UBE4B: variants seen among roughly 807,000 people sequenced by gnomAD.
The protein encoded by UBE4B is ubiquitin conjugation factor E4 B.
In UBE4B, 27 loss-of-function variants were observed where a neutral mutation model predicts 148.1. That is an observed-to-expected ratio of 0.18 (90% CI 0.13 to 0.25). The LOEUF (loss-of-function observed/expected upper bound fraction) is 0.25, where lower values mean the gene tolerates loss of function less well. Among genes scored for constraint, UBE4B ranks in the 10% least tolerant of loss-of-function variants. The pLI is 1.00. For synonymous variants in UBE4B, 596 were observed against 619.3 expected, an observed-to-expected ratio of 0.96 and a Z score of 0.56; for missense variants, 1,170 against 1,662.4, an observed-to-expected ratio of 0.70 and a Z score of 5.15.
At chr1:10,079,237 C>T (rs993310124) in intron 2 of UBE4B, among the ~76,000 whole-genome samples, 3 of 152,092 alleles carry the variant, frequency 2.0e-5, no homozygotes, top group African/African-American at 7.2e-5. Context: ...AGGGCAGTGA[C>T]GTAGTCTGCC....
intron 17 of UBE4B, among the ~76,000 whole-genome samples, chr1:10,137,918 A>ATTCTTTTTT (rs1645717039): frequency 8.8e-6 from 1 of 113,220 alleles, no homozygotes. Flanking sequence ...TCACTTACTA[A>ATTCTTTTTT]TTCTTTTTTT....
chr1:10,033,813 A>G, intron 1 of UBE4B, 119 bp downstream of exon 1: 1 of 1,112,200 alleles, frequency 9.0e-7, no homozygotes. Context: ...CGGAGATGAT[A>G]TTTTCCAAGA....
chr1:10,108,225 T>C (rs939553557), intron 7 of UBE4B, among the ~76,000 whole-genome samples: 3 of 108,738 alleles, frequency 2.8e-5, no homozygotes, highest in Non-Finnish European at 3.6e-5. Context: ...TTCACCCCCA[T>C]TGAGCTCAGT....
chr1:10,039,011 G>C (rs536011613), intron 1 of UBE4B, among the ~76,000 whole-genome samples: 2 of 152,234 alleles, frequency 1.3e-5, no homozygotes, highest in East Asian at 3.9e-4. Context: ...AGTGAGCCGA[G>C]ATTGCGCCAC....
intron 1 of UBE4B, among the ~76,000 whole-genome samples, chr1:10,068,029 GTTTTTT>G (rs1204563688): frequency 1.5e-5 from 2 of 136,524 alleles, no homozygotes; most frequent in East Asian, 4.3e-4. Flanking sequence ...TGCCTGGCCA[GTTTTTT>G]TTTTTTTTTT....
At chr1:10,118,572 T>G (rs1415684975) in intron 8 of UBE4B, among the ~76,000 whole-genome samples, 1 of 151,768 alleles carries the variant, frequency 6.6e-6, no homozygotes, top group Non-Finnish European at 1.5e-5. Flanking sequence ...TGGCACAATC[T>G]CGGCTCACCG....
intron 1 of UBE4B, among the ~76,000 whole-genome samples, chr1:10,037,246 T>TG (rs1643575539): frequency 1.3e-5 from 2 of 152,102 alleles, no homozygotes; most frequent in African/African-American, 4.8e-5. Flanking sequence ...AGGCTGGTCT[T>TG]GAACTCCTGA....
In UBE4B at chr1:10,102,391, CTTTTTTTTTTTTTTTTTT is replaced by C. The variant is rs33997625; in HGVS notation, c.436-537_436-520del. On this transcript the variant is annotated intron_variant, in intron 4 of 27. Transcript: ENST00000343090. ...GGTGACTTTTGATAATGACTTTGCTCTTTTTTTTTTTTTTTTTTTTTTTTTTTTTTTTTTTTTGAGACA... is the reference window on the plus strand; with the variant it reads ...GGTGACTTTTGATAATGACTTTGCTCTTTTTTTTTTTTTTTTTTTGAGACA... 5.7e-3 allele frequency among the ~76,000 whole-genome samples: 293 copies of C among 51,562 alleles called. 2 individuals are homozygous for C. Among genetic ancestry groups the C allele is most frequent in the South Asian group, 0.02 (23 of 1,166 alleles). The allele number at this position is 51,562 out of a possible 152,430, so 33.8% of individuals were successfully genotyped here. A position where few individuals can be genotyped will look rare whatever the true frequency, so the allele number is the denominator to read the frequency against.
chr1:10,094,108 ATAGAGT>A (rs1644892488), intron 2 of UBE4B, among the ~76,000 whole-genome samples: 1 of 152,156 alleles, frequency 6.6e-6, no homozygotes, highest in South Asian at 2.1e-4. Context: ...GAAGATATTC[ATAGAGT>A]TAAAGTAATT....
chr1:10,151,407 C>T lies in UBE4B; in HGVS notation c.2772C>T (p.Tyr924=). The change falls in exon 21 of 28, where the codon TAC becomes TAT. Residue 924 remains tyrosine, a synonymous_variant. Coordinates refer to ENST00000343090, the MANE Select transcript of UBE4B (RefSeq NM_001105562.3). ...TTGTGATGTTGTGCAACCAGAACTA[C>T]ATCCGAAACCCATATTTGGTGGCCA... ...FLVVMLCNQN[Y]IRNPYLVAKL... The T allele has an allele frequency of 1.9e-6, 3 of 1,614,204 alleles. No homozygotes were observed. The highest frequency in any genetic ancestry group is 1.7e-6 in the Non-Finnish European group (2 of 1,180,040).
chr1:10,095,704 C>A, intron 3 of UBE4B, 108 bp downstream of exon 3: 2 of 1,284,732 alleles, frequency 1.6e-6, no homozygotes, highest in South Asian at 1.4e-5. Context: ...GAGACCCATG[C>A]CAGTCCTTAG....
intron 25 of UBE4B, 103 bp from the exon 26 acceptor site, chr1:10,178,541 G>A (rs569091955): frequency 2.2e-5 from 27 of 1,234,744 alleles, no homozygotes; most frequent in Non-Finnish European, 2.8e-5. Context: ...CTTTTTTAGT[G>A]GGGGAAAATC....
In UBE4B at chr1:10,053,510, A is replaced by T. The variant is rs145655095; in HGVS notation, c.25-18518A>T. ...TTGCTCGTCGCCCAGGCTGGAGTGCAGTGGCACAATCAAGTTCTGGGGTAT... is the reference window on the plus strand; with the variant it reads ...TTGCTCGTCGCCCAGGCTGGAGTGCTGTGGCACAATCAAGTTCTGGGGTAT... On this transcript the variant is annotated intron_variant, in intron 1 of 27. Coordinates refer to ENST00000343090, the MANE Select transcript of UBE4B (RefSeq NM_001105562.3). Among the ~76,000 whole-genome samples, 666 of 152,206 alleles carry T rather than the reference A, an allele frequency of 4.4e-3. 3 individuals carry two copies. In the Middle Eastern group the frequency reaches 0.058, roughly 13 times the overall value.
intron 11 of UBE4B, chr1:10,128,858 A>G (rs1645545216): frequency 6.6e-6 from 1 of 152,552 alleles, no homozygotes; most frequent in South Asian, 2.1e-4. Context: ...TAATGTTAGG[A>G]TGGTTGGATG....
intron 2 of UBE4B, among the ~76,000 whole-genome samples, chr1:10,094,734 T>A (rs1187310466): frequency 3.3e-5 from 5 of 152,008 alleles, no homozygotes; most frequent in Admixed American, 6.6e-5. Flanking sequence ...ACACCCAGCC[T>A]CATTAACATT....
At chr1:10,113,857 G>A (rs145454581) in intron 7 of UBE4B, among the ~76,000 whole-genome samples, 1 of 152,222 alleles carries the variant, frequency 6.6e-6, no homozygotes, top group East Asian at 1.9e-4. Context: ...ATGAGGTCAG[G>A]AGATCGAGAT....
intron 17 of UBE4B, among the ~76,000 whole-genome samples, chr1:10,138,339 C>T (rs1029866597): frequency 2.6e-5 from 4 of 151,942 alleles, no homozygotes; most frequent in East Asian, 1.9e-4. Flanking sequence ...CCTCGTGATC[C>T]GCCCGCCTCA....
At position 10,180,853 on chromosome 1, in the gene UBE4B, G is replaced by C. The variant is rs977254626; in HGVS notation, c.*897G>C. On this transcript the variant is annotated 3_prime_UTR_variant, in exon 28 of 28. Transcript: ENST00000343090. ...TTGAAACCTTCACAGTTATCCTCTG[G>C]GGGTAAATCAATTCTTCAACCCTTG... 1 of 152,124 alleles carries C rather than the reference G, an allele frequency of 6.6e-6. No homozygotes were observed. Among genetic ancestry groups the C allele is most frequent in the Admixed American group, 6.6e-5 (1 of 15,218 alleles). The allele number at this position is 152,124 out of a possible 1,614,324, so 9.4% of individuals were successfully genotyped here.
intron 1 of UBE4B, among the ~76,000 whole-genome samples, chr1:10,070,262 G>T (rs761353420): frequency 6.7e-6 from 1 of 149,344 alleles, no homozygotes; most frequent in Non-Finnish European, 1.5e-5. Context: ...TGACAAGAGC[G>T]AAACTCCGTC....
Sources: allele counts gnomAD v4.1 joint callset (sites outside exome capture counted in the v4.1 genomes callset), GRCh38; gene constraint gnomAD v4.1.1; transcripts MANE v1.5; gene names NCBI Gene and HGNC (gene_info 2026-07-23, HGNC 2026-07-21).